FER: variants seen among roughly 807,000 people sequenced by gnomAD.
FER encodes FER tyrosine kinase, also known as tyrosine-protein kinase Fer.
Under a neutral mutation model 111.0 loss-of-function variants are expected in FER, and 63 were observed. The ratio of observed to expected loss-of-function variants is 0.57; its 90% CI spans 0.46 to 0.70. The LOEUF (loss-of-function observed/expected upper bound fraction) is 0.70, where lower values mean the gene tolerates loss of function less well. FER is among the 30% of genes least tolerant of loss of function. FER has a pLI of 0.00. For synonymous variants in FER, 327 were observed against 313.9 expected, an observed-to-expected ratio of 1.04 and a Z score of -0.44; for missense variants, 914 against 954.0, an observed-to-expected ratio of 0.96 and a Z score of 0.55.
intron 16 of FER, chr5:109,051,305 C>A: frequency 2.6e-6 from 4 of 1,525,812 alleles, no homozygotes; most frequent in Non-Finnish European, 3.6e-6. Flanking sequence ...TACTTTCAAG[C>A]CTGTATCTAG....
chr5:108,945,751 G>A (rs536595918), intron 10 of FER, among the ~76,000 whole-genome samples: 5 of 151,656 alleles, frequency 3.3e-5, no homozygotes, highest in African/African-American at 1.2e-4. Context: ...CCCAACTATA[G>A]TCCTATCCGA....
intron 16 of FER, among the ~76,000 whole-genome samples, chr5:109,065,973 A>G (rs1342897327): frequency 6.6e-6 from 1 of 152,240 alleles, no homozygotes; most frequent in Non-Finnish European, 1.5e-5. Flanking sequence ...CACATTTGAT[A>G]ATATCCGCAT....
chr5:109,121,234 C>A (rs1371770408), intron 17 of FER, among the ~76,000 whole-genome samples: 1 of 152,068 alleles, frequency 6.6e-6, no homozygotes, highest in Non-Finnish European at 1.5e-5. Context: ...GTGGGTCTGT[C>A]ATGTATGGCT....
chr5:109,014,467 C>T (rs1197505343), intron 13 of FER, among the ~76,000 whole-genome samples: 1 of 152,104 alleles, frequency 6.6e-6, no homozygotes, highest in Admixed American at 6.6e-5. Flanking sequence ...CAGCACCATG[C>T]TGTTTTGGTT....
chr5:108,871,280 A>T, intron 6 of FER, 85 bp from the exon 7 acceptor site: 1 of 1,098,794 alleles, frequency 9.1e-7, no homozygotes, highest in Non-Finnish European at 1.3e-6. Context: ...TACATTTCTT[A>T]TGCTTATTGT....
At chr5:108,988,049 G>T (rs548773304) in intron 13 of FER, among the ~76,000 whole-genome samples, 1 of 152,096 alleles carries the variant, frequency 6.6e-6, no homozygotes, top group South Asian at 2.1e-4. Flanking sequence ...TTCTTGAGAT[G>T]ATGTGATTTC....
chr5:109,012,886 C>T (rs924485005), intron 13 of FER, among the ~76,000 whole-genome samples: 1 of 151,928 alleles, frequency 6.6e-6, no homozygotes, highest in East Asian at 1.9e-4. Flanking sequence ...CAAAGTCATA[C>T]TTGATAGACT....
chr5:109,167,548 T>A (rs1184928515), intron 17 of FER, among the ~76,000 whole-genome samples: 1 of 152,194 alleles, frequency 6.6e-6, no homozygotes, highest in Non-Finnish European at 1.5e-5. Context: ...CTTTGGCGTG[T>A]ATTTAAGGTC....
At chr5:108,748,322 C>A (rs1400623135) in intron 1 of FER, 5 of 152,306 alleles carry the variant, frequency 3.3e-5, no homozygotes, top group Non-Finnish European at 5.9e-5. Flanking sequence ...CCGGAGATTT[C>A]AGCTCCAGGG....
At chr5:109,122,610 T>C (rs6869357) in intron 17 of FER, among the ~76,000 whole-genome samples, 60,762 of 151,840 alleles carry the variant, frequency 0.4, 12,418 homozygotes, top group African/African-American at 0.45. Flanking sequence ...CCGATTAAGT[T>C]CAATGTGTCT....
chr5:108,772,286 C>A (rs1347341319), intron 2 of FER, among the ~76,000 whole-genome samples: 3 of 102,166 alleles, frequency 2.9e-5, no homozygotes, highest in African/African-American at 1.2e-4. Context: ...GGTTCGTATT[C>A]AGATCTCCCC....
At position 108,773,319 on chromosome 5, in the gene FER, A is replaced by G. The variant is rs931526159; in HGVS notation, c.-60+5081A>G. 1.8e-4 allele frequency among the ~76,000 whole-genome samples: 27 copies of G among 151,962 alleles called. 1 individual carries two copies. Among genetic ancestry groups the G allele is most frequent in the Admixed American group, 1.6e-3 (25 of 15,258 alleles). ...GTATTAAGCCCATCATCCATTAGCT[A>G]TTCTTCCTGATGCTCTCCCTTTCCC... On this transcript the variant is annotated intron_variant, in intron 2 of 19. Transcript: ENST00000281092.
rs543827304 is a variant in FER at position 108,783,909 on chromosome 5, T to C, written c.-59-14215T>C. Reference sequence around the variant, plus strand: ...GTGGAGAACAAGAGGCTTCCTGAGATTGGATATCTAGCAAAACTGGGTTTG... The same window carrying C: ...GTGGAGAACAAGAGGCTTCCTGAGACTGGATATCTAGCAAAACTGGGTTTG... On this transcript the variant is annotated intron_variant, in intron 2 of 19. Transcript: ENST00000281092. Among the ~76,000 whole-genome samples, 5 of 152,230 alleles carry C rather than the reference T, an allele frequency of 3.3e-5. No individual in the cohort carries two copies. The South Asian group carries it at 6.2e-4, about 19-fold the overall frequency.
chr5:109,079,503 A>G, intron 16 of FER, among the ~76,000 whole-genome samples: 1 of 152,182 alleles, frequency 6.6e-6, no homozygotes, highest in East Asian at 1.9e-4. Context: ...GACCATATTT[A>G]CTGAGTGAAT....
At chr5:108,926,288 T>C (rs1008854334) in intron 10 of FER, among the ~76,000 whole-genome samples, 4 of 151,938 alleles carry the variant, frequency 2.6e-5, no homozygotes, top group Non-Finnish European at 4.4e-5. Flanking sequence ...TTTGTGCTTT[T>C]TATTTGTTAT....
At chr5:109,152,103 G>A (rs1269944705) in intron 17 of FER, among the ~76,000 whole-genome samples, 1 of 152,120 alleles carries the variant, frequency 6.6e-6, no homozygotes, top group East Asian at 1.9e-4. Context: ...CATTTATACA[G>A]ATGATTTGGT....
intron 5 of FER, among the ~76,000 whole-genome samples, chr5:108,860,954 A>G (rs1372932713): frequency 1.3e-5 from 2 of 152,132 alleles, no homozygotes; most frequent in Non-Finnish European, 2.9e-5. Flanking sequence ...CTGAGAACTC[A>G]CTATCACAAG....
chr5:109,032,283 G>C (rs531171022), intron 13 of FER, among the ~76,000 whole-genome samples: 1 of 152,216 alleles, frequency 6.6e-6, no homozygotes, highest in South Asian at 2.1e-4. Context: ...ACTAATCATA[G>C]GTTAGAAAAG....
chr5:108,852,355 C>T (rs753003205), intron 5 of FER, among the ~76,000 whole-genome samples: 3 of 152,066 alleles, frequency 2.0e-5, no homozygotes, highest in African/African-American at 7.2e-5. Context: ...AGCCTTGAGA[C>T]AGATGGTTAA....
Sources: gnomAD v4.1 joint callset for allele counts (sites outside exome capture counted in the v4.1 genomes callset) on GRCh38, gnomAD v4.1.1 for gene constraint, MANE v1.5 for transcripts, NCBI Gene and HGNC (gene_info 2026-07-23, HGNC 2026-07-21) for gene names.